The following ABCG1 variants were observed in gnomAD, a reference collection of about 807,000 sequenced individuals.
ABCG1 encodes ATP-binding cassette sub-family G member 1.
Under a neutral mutation model 69.2 loss-of-function variants are expected in ABCG1, and 29 were observed. The observed-to-expected ratio is 0.42, with a 90% CI of 0.31 to 0.57. The LOEUF (loss-of-function observed/expected upper bound fraction) is 0.57, where lower values mean the gene tolerates loss of function less well. ABCG1 is among the 20% of genes least tolerant of loss of function. The probability of loss-of-function intolerance (pLI) is 0.15; values close to 1 mark genes in which losing one functional copy is unlikely to be tolerated. For missense variants in ABCG1, 718 were observed against 898.1 expected (o/e 0.80, Z 2.56); for synonymous variants, 370 against 374.8 (o/e 0.99, Z 0.15).
upstream of ABCG1, among the ~76,000 whole-genome samples, chr21:42,218,812 G>T (rs2067671745): frequency 6.6e-6 from 1 of 152,152 alleles, no homozygotes; most frequent in African/African-American, 2.4e-5. Context: ...TCACACAGCC[G>T]CTTGAGGCTT....
intron 2 of ABCG1, among the ~76,000 whole-genome samples, chr21:42,230,329 A>G (rs965048741): frequency 6.6e-6 from 1 of 152,238 alleles, no homozygotes; most frequent in African/African-American, 2.4e-5. Flanking sequence ...CACCCCAAGG[A>G]TAATTTCCCC....
chr21:42,273,555 T>C lies in ABCG1; in HGVS notation c.537+120T>C. On this transcript the variant is annotated intron_variant, in intron 4 of 14. Coordinates refer to ENST00000398449, the MANE Select transcript of ABCG1 (RefSeq NM_016818.3). The surrounding 1 kb of genome is among the most constrained non-coding windows in gnomAD (Gnocchi z 5.3). ...GACCCAAGGGCTCTGCCACGCGGCCTGCACAGGGCCAGCAACCTCCCTCTA... is the reference window on the plus strand; with the variant it reads ...GACCCAAGGGCTCTGCCACGCGGCCCGCACAGGGCCAGCAACCTCCCTCTA... 8.2e-7 allele frequency: 1 copy of C among 1,214,334 alleles called. No homozygotes were observed. The highest frequency in any genetic ancestry group is 1.6e-5 in the African/African-American group (1 of 63,560). The allele number at this position is 1,214,334 out of a possible 1,614,324, so 75.2% of individuals were successfully genotyped here.
intron 2 of ABCG1, among the ~76,000 whole-genome samples, chr21:42,247,316 A>C (rs1252795516): frequency 6.6e-6 from 1 of 152,244 alleles, no homozygotes; most frequent in African/African-American, 2.4e-5. Context: ...AGGAGCTCTC[A>C]CTATCAGGCA....
intron 8 of ABCG1, among the ~76,000 whole-genome samples, chr21:42,286,619 G>C (rs1447476297): frequency 6.6e-6 from 1 of 152,160 alleles, no homozygotes; most frequent in African/African-American, 2.4e-5. Context: ...TTCTGGTTTC[G>C]TGCTCGCTCA....
At position 42,288,246 on chromosome 21, in the gene ABCG1, T is replaced by C. The variant is rs1182936194; in HGVS notation, c.1158T>C (p.Ser386=). Residue 386 remains serine, a synonymous_variant, in exon 10 of 15, where the codon TCT becomes TCC. Coordinates refer to ENST00000398449, the MANE Select transcript of ABCG1 (RefSeq NM_016818.3). This position sits in a 1 kb window ranked among gnomAD's most constrained non-coding sequence, Gnocchi z 4.8. ...SSSMEGCHSF[S]ASCLTQFCIL... is the part of the protein sequence containing the mutation. Reference sequence around the variant, plus strand: ...CCATGGAAGGCTGCCACAGCTTCTCTGCCAGCTGCCTCACGCAGTTCTGCA... The same window carrying C: ...CCATGGAAGGCTGCCACAGCTTCTCCGCCAGCTGCCTCACGCAGTTCTGCA... The C allele has an allele frequency of 6.2e-7, 1 of 1,614,220 alleles. No individual in the cohort carries two copies. Among genetic ancestry groups the C allele is most frequent in the South Asian group, 1.1e-5 (1 of 91,086 alleles).
At chr21:42,260,079 G>C (rs1484536124) in intron 2 of ABCG1, 2 of 1,550,586 alleles carry the variant, frequency 1.3e-6, no homozygotes, top group African/African-American at 1.4e-5. Context: ...AGTCTTGTCA[G>C]CAGCTCATGG....
chr21:42,261,730 G>A (rs1160593215), intron 2 of ABCG1, among the ~76,000 whole-genome samples: 2 of 152,204 alleles, frequency 1.3e-5, no homozygotes, highest in Non-Finnish European at 2.9e-5. Context: ...CCTCGGCCGC[G>A]GAGCTCCATA....
At chr21:42,282,756 G>C (rs796825535) in intron 6 of ABCG1, among the ~76,000 whole-genome samples, 1 of 152,228 alleles carries the variant, frequency 6.6e-6, no homozygotes, top group Admixed American at 6.5e-5. Flanking sequence ...CCTGGGAAAC[G>C]GTGTGTCTTC....
intron 2 of ABCG1, among the ~76,000 whole-genome samples, chr21:42,263,022 C>CGAT (rs1391746740): frequency 6.6e-6 from 1 of 152,202 alleles, no homozygotes; most frequent in Non-Finnish European, 1.5e-5. Flanking sequence ...TAGCCCCGAG[C>CGAT]GATGCTGCCG....
chr21:42,202,993 A>G (rs963460671), intron 2 of ABCG1, among the ~76,000 whole-genome samples: 1 of 152,202 alleles, frequency 6.6e-6, no homozygotes, highest in Non-Finnish European at 1.5e-5. Context: ...GGAACAGAAT[A>G]GAAAACCCAG....
At chr21:42,248,468 G>T (rs560446551) in intron 2 of ABCG1, among the ~76,000 whole-genome samples, 1 of 152,318 alleles carries the variant, frequency 6.6e-6, no homozygotes, top group East Asian at 1.9e-4. Flanking sequence ...GCTTCATGAA[G>T]CTGAGTTGAA....
chr21:42,217,745 G>A (rs574967534), upstream of ABCG1, among the ~76,000 whole-genome samples: 32 of 126,874 alleles, frequency 2.5e-4, no homozygotes, highest in Non-Finnish European at 4.9e-4. Context: ...CGGCTGGAGT[G>A]CAGTGGCTCA....
intron 1 of ABCG1, among the ~76,000 whole-genome samples, chr21:42,224,690 G>T (rs976962734): frequency 2.0e-5 from 3 of 152,170 alleles, no homozygotes; most frequent in Non-Finnish European, 2.9e-5. Context: ...GTTCTCTCTC[G>T]ATTTGGAAGA....
intron 3 of ABCG1, among the ~76,000 whole-genome samples, chr21:42,271,503 G>A (rs1218910195): frequency 1.3e-5 from 2 of 152,230 alleles, no homozygotes; most frequent in South Asian, 2.1e-4. Flanking sequence ...GGAGAGAACA[G>A]GAGTGAATGC....
At chr21:42,256,958 G>T (rs536855256) in intron 2 of ABCG1, among the ~76,000 whole-genome samples, 8 of 152,306 alleles carry the variant, frequency 5.3e-5, no homozygotes, top group African/African-American at 1.9e-4. Context: ...GCATTTTGTT[G>T]TGATGTTTTG....
At chr21:42,274,779 AT>A (rs35280343) in intron 4 of ABCG1, among the ~76,000 whole-genome samples, 68 of 148,642 alleles carry the variant, frequency 4.6e-4, no homozygotes, top group Admixed American at 6.7e-4. Flanking sequence ...GGCAGGGGCC[AT>A]TTTTTTTTTT....
chr21:42,229,137 G>T (rs1362103290), intron 2 of ABCG1, among the ~76,000 whole-genome samples: 2 of 152,176 alleles, frequency 1.3e-5, no homozygotes. Flanking sequence ...GATTAGGTTA[G>T]GCTGAGAAGT....
chr21:42,216,818 C>T (rs554764296), upstream of ABCG1, among the ~76,000 whole-genome samples: 6 of 152,168 alleles, frequency 3.9e-5, no homozygotes, highest in African/African-American at 4.8e-5. Flanking sequence ...GCTTCTTTCC[C>T]GATCGGGCGC....
At position 42,288,356 on chromosome 21, in the gene ABCG1, G is replaced by A. The variant is rs1307790623; in HGVS notation, c.1224+44G>A. 3 of 1,464,012 alleles carry A rather than the reference G, an allele frequency of 2.0e-6. No individual in the cohort carries two copies. The highest frequency in any genetic ancestry group is 1.4e-5 in the African/African-American group (1 of 71,698). The allele number at this position is 1,464,012 out of a possible 1,614,324, so 90.7% of individuals were successfully genotyped here. ...TCTCCTGTAGCTGGGGAACCCGTGG[G>A]TCATTTTCTCAGACTCGTCCTGACG... is the stretch of plus-strand genomic sequence containing the variant. On this transcript the variant is annotated intron_variant, in intron 10 of 14. Transcript: ENST00000398449. The surrounding 1 kb of genome is among the most constrained non-coding windows in gnomAD (Gnocchi z 4.8).
Sources: allele counts gnomAD v4.1 joint callset (sites outside exome capture counted in the v4.1 genomes callset), GRCh38; gene constraint gnomAD v4.1.1; non-coding constraint Gnocchi (gnomAD v3.1); transcripts MANE v1.5; gene names NCBI Gene and HGNC (gene_info 2026-07-23, HGNC 2026-07-21).